The following GSDMA variants were observed in gnomAD, a reference collection of about 807,000 sequenced individuals.
The protein encoded by GSDMA is gasdermin A.
Under a neutral mutation model 54.3 loss-of-function variants are expected in GSDMA, and 55 were observed. The ratio of observed to expected loss-of-function variants is 1.01; its 90% confidence interval spans 0.82 to 1.27. The LOEUF (loss-of-function observed/expected upper bound fraction) is 1.27. Ranked by LOEUF, GSDMA falls within the 50% of genes most tolerant of loss-of-function variation. GSDMA has a pLI of 0.00. For missense variants in GSDMA, 542 were observed against 542.6 expected, an observed-to-expected ratio of 1.00 and a Z score of 0.01; for synonymous variants, 211 against 224.7, an observed-to-expected ratio of 0.94 and a Z score of 0.54.
chr17:39,971,671 A>G lies in GSDMA; in HGVS notation c.655+51A>G. The stretch of plus-strand genomic sequence containing the variant: ...CCACAAGATGAGAATTACCTGCACC[A>G]GTACTGAGGCACCCTGGTCCCCTCT... On this transcript the variant is annotated intron_variant, in intron 5 of 11. Coordinates refer to ENST00000301659, the MANE Select transcript of GSDMA (RefSeq NM_178171.5). The G allele has an allele frequency of 3.0e-6, 4 of 1,328,970 alleles. No homozygotes were observed. The South Asian group carries it at 3.5e-5, about 12-fold the overall frequency. 82.3% of individuals were successfully genotyped at this position (1,328,970 alleles called of 1,614,324 possible). A position where few individuals can be genotyped will look rare whatever the true frequency, so the allele number is the denominator to read the frequency against.
Position 39,966,343 on chromosome 17 carries a change from A to C in GSDMA, c.298A>C (p.Lys100Gln). Residue 100 changes from lysine to glutamine, a missense_variant, in exon 3 of 12, where the codon AAG (lysine) becomes CAG (glutamine). Coordinates refer to ENST00000301659, the MANE Select transcript of GSDMA (RefSeq NM_178171.5). ...AGATGTGGATGTACCAAAGACGGTG[A>C]AGGTGAAGGGAACGGCAGGGCTCTC... ...EGDVDVPKTVKVKGTAGLSQN... is the reference protein window; with the variant it reads ...EGDVDVPKTVQVKGTAGLSQN... 6.2e-7 allele frequency: 1 copy of C among 1,613,886 alleles called. No individual in the cohort carries two copies. Among genetic ancestry groups the C allele is most frequent in the Admixed American group, 1.7e-5 (1 of 59,990 alleles).
intron 9 of GSDMA, 48 bp from the exon 10 acceptor site, chr17:39,974,852 G>T (rs749995659): frequency 9.6e-7 from 1 of 1,039,062 alleles, no homozygotes; most frequent in East Asian, 2.5e-5. Flanking sequence ...GCCCTGGGTT[G>T]GGCCCTTTCC....
At position 39,972,610 on chromosome 17, in the gene GSDMA, A is replaced by C; in HGVS notation, c.727A>C (p.Ile243Leu). 6.2e-7 allele frequency: 1 copy of C among 1,612,358 alleles called. No individual in the cohort carries two copies. The highest frequency in any genetic ancestry group is 8.5e-7 in the Non-Finnish European group (1 of 1,179,042). Residue 243 changes from isoleucine (I) to leucine (L), a missense_variant, in exon 7 of 12, where the codon ATC becomes CTC. Transcript: ENST00000301659. The part of the protein sequence containing the change: ...PGEKSGEEKV[I>L]LIQASDVGDV... ...AGAAAAGTCAGGAGAGGAGAAGGTCATCCGTAAGTGTTTCCTTTCATTCCA... is the reference window on the plus strand; with the variant it reads ...AGAAAAGTCAGGAGAGGAGAAGGTCCTCCGTAAGTGTTTCCTTTCATTCCA...
In GSDMA at chr17:39,969,871, A is replaced by G. The variant is rs116149751; in HGVS notation, c.393-611A>G. Among the ~76,000 whole-genome samples the G allele has an allele frequency of 7.3e-3, 1,020 of 139,698 alleles. 8 individuals carry two copies. The highest frequency in any genetic ancestry group is 0.027 in the African/African-American group (975 of 36,738). 91.6% of individuals were successfully genotyped at this position (139,698 alleles called of 152,430 possible). A position where few individuals can be genotyped will look rare whatever the true frequency, so the allele number is the denominator to read the frequency against. On this transcript the variant is annotated intron_variant, in intron 3 of 11. Coordinates refer to ENST00000301659, the MANE Select transcript of GSDMA (RefSeq NM_178171.5). ...AGACTCCGTCTCAAAAAAAAAAAGA[A>G]TTTTTTTGATATATTTGCCAATGAA...
chr17:39,973,094 C>G (rs1021229275), intron 7 of GSDMA, among the ~76,000 whole-genome samples: 3 of 152,112 alleles, frequency 2.0e-5, no homozygotes, highest in African/African-American at 7.2e-5. Context: ...GCCTCAGCCT[C>G]CGGAGTAGCT....
chr17:39,963,435 G>A (rs1979502296), intron 1 of GSDMA, among the ~76,000 whole-genome samples: 1 of 152,112 alleles, frequency 6.6e-6, no homozygotes. Flanking sequence ...AGTGCCTGTG[G>A]TGGATGTGGG....
chr17:39,968,049 G>T (rs1176868623), intron 3 of GSDMA, among the ~76,000 whole-genome samples: 1 of 152,044 alleles, frequency 6.6e-6, no homozygotes, highest in Non-Finnish European at 1.5e-5. Flanking sequence ...AGTAGAGACG[G>T]AGTTTCACCA....
chr17:39,966,218 C>T, intron 2 of GSDMA, 42 bp from the exon 3 acceptor site: 1 of 1,604,706 alleles, frequency 6.2e-7, no homozygotes, highest in Non-Finnish European at 8.5e-7. Context: ...TGAGTTACTG[C>T]ACCCAGCCAG....
chr17:39,972,565 T>C (rs746186182), intron 6 of GSDMA, 22 bp from the exon 7 acceptor site: 1 of 1,611,932 alleles, frequency 6.2e-7, no homozygotes, highest in Non-Finnish European at 8.5e-7. Flanking sequence ...TGCTGACAGA[T>C]GTGCATTTTT....
Position 39,975,998 on chromosome 17 carries a change from G to C in GSDMA, c.1095+1G>C. Reference sequence around the variant, plus strand: ...GATCCTACCCGTGCAGCTAAAGCTGGTGAGGGAAAAACAGCAGATGCTGGG... The same window carrying C: ...GATCCTACCCGTGCAGCTAAAGCTGCTGAGGGAAAAACAGCAGATGCTGGG... On this transcript the variant is annotated splice_donor_variant, in intron 11 of 11. Coordinates refer to ENST00000301659, the MANE Select transcript of GSDMA (RefSeq NM_178171.5). LOFTEE classifies it high-confidence loss of function. 1 of 1,585,658 alleles carries C rather than the reference G, an allele frequency of 6.3e-7. No homozygotes were observed. Among genetic ancestry groups the C allele is most frequent in the South Asian group, 1.2e-5 (1 of 86,582 alleles).
intron 10 of GSDMA, among the ~76,000 whole-genome samples, chr17:39,975,251 T>C (rs1568132580): frequency 6.6e-6 from 1 of 152,002 alleles, no homozygotes; most frequent in Non-Finnish European, 1.5e-5. Context: ...GAGTTCGAGA[T>C]CAGCCTGGCC....
chr17:39,967,577 G>C (rs1598303144), intron 3 of GSDMA, among the ~76,000 whole-genome samples: 1 of 152,336 alleles, frequency 6.6e-6, no homozygotes, highest in South Asian at 2.1e-4. Flanking sequence ...AAAATGTTCT[G>C]ATGTGTCCCA....
chr17:39,973,743 A>G, intron 7 of GSDMA, 67 bp from the exon 8 acceptor site: 1 of 1,354,148 alleles, frequency 7.4e-7, no homozygotes, highest in South Asian at 1.2e-5. Context: ...TAGTGTCTCA[A>G]CCCCTGGGTA....
At chr17:39,976,471 T>G (rs1407452090) in intron 11 of GSDMA, among the ~76,000 whole-genome samples, 4 of 151,984 alleles carry the variant, frequency 2.6e-5, no homozygotes, top group Non-Finnish European at 5.9e-5. Context: ...AGAGACAGGG[T>G]TTCACCATGT....
At chr17:39,965,617 A>G in intron 1 of GSDMA, 66 bp from the exon 2 acceptor site, 1 of 1,214,282 alleles carries the variant, frequency 8.2e-7, no homozygotes, top group Non-Finnish European at 1.2e-6. Context: ...GGCCCAGCCT[A>G]TATCCCGGGC....
At position 39,975,000 on chromosome 17, in the gene GSDMA, T is replaced by C. The variant is rs187931918; in HGVS notation, c.1007T>C (p.Val336Ala). 7.6e-5 allele frequency: 122 copies of C among 1,608,670 alleles called. 1 individual carries two copies. The highest frequency in any genetic ancestry group is 5.5e-4 in the Admixed American group (33 of 59,838). Residue 336 changes from valine to alanine, a missense_variant, in exon 10 of 12, where the codon GTT becomes GCT. Physicochemically the swap from Val to Ala is moderately conservative, Grantham distance 64 (BLOSUM62 0). Transcript: ENST00000301659. ...GCCGTGGGCGCCATCCTCTATTTCGTTGGAGCCCTAACAGGTAAGTGGGGA... is the reference window on the plus strand; with the variant it reads ...GCCGTGGGCGCCATCCTCTATTTCGCTGGAGCCCTAACAGGTAAGTGGGGA... ...KEAVGAILYFVGALTELSEAQ... is the reference protein window; with the variant it reads ...KEAVGAILYFAGALTELSEAQ...
At chr17:39,973,933 A>G in intron 8 of GSDMA, 103 bp downstream of exon 8, 1 of 1,107,194 alleles carries the variant, frequency 9.0e-7, no homozygotes, top group Non-Finnish European at 1.4e-6. Context: ...AACTCATGGG[A>G]AGGGAAAACA....
rs766267289 is a variant in GSDMA, at chr17:39,972,212, C to T, written c.703+36C>T. The T allele has an allele frequency of 9.1e-6, 13 of 1,435,632 alleles. No homozygotes were observed. In the Admixed American group the frequency reaches 1.4e-4, roughly 16 times the overall value. 88.9% of individuals were successfully genotyped at this position (1,435,632 alleles called of 1,614,324 possible). On this transcript the variant is annotated intron_variant, in intron 6 of 11. Coordinates refer to ENST00000301659, the MANE Select transcript of GSDMA (RefSeq NM_178171.5). ...TTGCTTACGGGCTTCCCACATCTTC[C>T]GCCCTACCCCTGACATTATCTGCCA...
At chr17:39,965,343 G>T (rs1979599416) in intron 1 of GSDMA, among the ~76,000 whole-genome samples, 1 of 152,000 alleles carries the variant, frequency 6.6e-6, no homozygotes, top group South Asian at 2.1e-4. Context: ...AAAAAGAAAA[G>T]AAAGAAAAGA....
Sources: gnomAD v4.1 joint callset for allele counts (sites outside exome capture counted in the v4.1 genomes callset) on GRCh38, gnomAD v4.1.1 for gene constraint, MANE v1.5 for transcripts, NCBI Gene and HGNC (gene_info 2026-07-23, HGNC 2026-07-21) for gene names.